The following MECR variants were observed in gnomAD, a reference collection of about 807,000 sequenced individuals.
MECR encodes mitochondrial trans-2-enoyl-CoA reductase.
MECR carries 37 observed loss-of-function variants against 49.1 expected under a neutral mutation model. The ratio of observed to expected loss-of-function variants is 0.75; its 90% CI spans 0.58 to 0.99. The LOEUF is 0.99. Ranked by LOEUF, MECR falls within the 50% of genes least tolerant of loss-of-function variation. MECR has a pLI of 0.00. For synonymous variants in MECR, 198 were observed against 191.1 expected (o/e 1.04, Z -0.30); for missense variants, 470 against 479.6 (o/e 0.98, Z 0.19).
downstream of MECR, among the ~76,000 whole-genome samples, chr1:29,189,810 A>C (rs1015284281): frequency 9.2e-5 from 14 of 152,110 alleles, no homozygotes. Flanking sequence ...TCTGTCTCAG[A>C]AATCTTTTGT....
chr1:29,216,527 A>C lies in MECR; in HGVS notation c.274+61T>G, dbSNP rs1048255754. 6 of 1,519,476 alleles carry C rather than the reference A, an allele frequency of 3.9e-6. No individual in the cohort carries two copies. The African/African-American group carries it at 4.1e-5, about 10-fold the overall frequency. The allele number at this position is 1,519,476 out of a possible 1,614,324, so 94.1% of individuals were successfully genotyped here. A position where few individuals can be genotyped will look rare whatever the true frequency, so the allele number is the denominator to read the frequency against. On this transcript the variant is annotated intron_variant, in intron 2 of 9. Coordinates refer to ENST00000263702, the MANE Select transcript of MECR (RefSeq NM_016011.5). The stretch of plus-strand genomic sequence containing the variant: ...TCACACCCACACCTGAGGAGGAATG[A>C]AAATGAGGTGGCAGCTGAACAAAAA...
At chr1:29,189,957 T>C (rs1277154141), downstream of MECR, among the ~76,000 whole-genome samples, 4 of 152,240 alleles carry the variant, frequency 2.6e-5, no homozygotes, top group Non-Finnish European at 5.9e-5. Flanking sequence ...AGGATTAGGT[T>C]CAGTGAAACC....
chr1:29,223,791 T>C (rs1205347673), intron 1 of MECR: 5 of 152,144 alleles, frequency 3.3e-5, no homozygotes, highest in Admixed American at 6.5e-5. Flanking sequence ...AACTAGGCAA[T>C]TGTGAAGGAA....
At chr1:29,210,080 A>G (rs1224147516) in intron 3 of MECR, among the ~76,000 whole-genome samples, 1 of 149,468 alleles carries the variant, frequency 6.7e-6, no homozygotes, top group Non-Finnish European at 1.5e-5. Flanking sequence ...GCACGATCTC[A>G]GCTCACTGCA....
the MECR span, chr1:29,170,209 C>T: frequency 6.6e-6 from 1 of 152,070 alleles, no homozygotes; most frequent in East Asian, 1.9e-4. Context: ...TGCCTGATGA[C>T]AAGAAGTTCG....
chr1:29,168,316 C>A, the MECR span, among the ~76,000 whole-genome samples: 9 of 152,006 alleles, frequency 5.9e-5, no homozygotes, highest in Admixed American at 3.3e-4. Context: ...CAGGCATGAG[C>A]CACCATGCCC....
Position 29,200,542 on chromosome 1 carries a change from G to A in MECR, c.804C>T (p.Ser268=), listed in dbSNP as rs1297166086. The A allele has an allele frequency of 6.2e-7, 1 of 1,613,794 alleles. No homozygotes were observed. The highest frequency in any genetic ancestry group is 8.5e-7 in the Non-Finnish European group (1 of 1,179,832). The part of the protein sequence containing the change: ...RLALNCVGGK[S]STELLRQLAR... ...CTAACTGCCGCAGCAGCTCTGTGGA[G>A]CTTTTCCCACCAACACAGTTGAGAG... Residue 268 remains serine, a synonymous_variant, in exon 7 of 10, where the codon AGC becomes AGT. Coordinates refer to ENST00000263702, the MANE Select transcript of MECR (RefSeq NM_016011.5).
Position 29,194,005 on chromosome 1 carries a change from C to T in MECR, c.*17G>A. On this transcript the variant is annotated 3_prime_UTR_variant, in exon 10 of 10. Coordinates refer to ENST00000263702, the MANE Select transcript of MECR (RefSeq NM_016011.5). Reference sequence around the variant, plus strand: ...ATCCGCCTCCCCTCCCATGTCACTCCAGCTCTTTTGGGATGATCACATGGT... The same window carrying T: ...ATCCGCCTCCCCTCCCATGTCACTCTAGCTCTTTTGGGATGATCACATGGT... 1 of 1,613,878 alleles carries T rather than the reference C, an allele frequency of 6.2e-7. No homozygotes were observed. Among genetic ancestry groups the T allele is most frequent in the Non-Finnish European group, 8.5e-7 (1 of 1,179,984 alleles).
chr1:29,223,730 G>A (rs1006289221), intron 1 of MECR, among the ~76,000 whole-genome samples: 1 of 152,232 alleles, frequency 6.6e-6, no homozygotes, highest in Non-Finnish European at 1.5e-5. Flanking sequence ...AATGCCTGGT[G>A]TGCTAGGTAC....
chr1:29,176,183 C>T, the MECR span, among the ~76,000 whole-genome samples: 3 of 151,960 alleles, frequency 2.0e-5, no homozygotes, highest in Admixed American at 6.6e-5. Flanking sequence ...ACCCAAAAGG[C>T]GGAAGTTGCA....
At position 29,216,599 on chromosome 1, in the gene MECR, T is replaced by C; in HGVS notation, c.263A>G (p.Asn88Ser). 6.2e-7 allele frequency: 1 copy of C among 1,614,152 alleles called. No individual in the cohort carries two copies. Among genetic ancestry groups the C allele is most frequent in the Non-Finnish European group, 8.5e-7 (1 of 1,180,008 alleles). ...LAAPINPSDI[N>S]MIQGNYGFLP... ...GAAACCAAGGTTACCTTGGATCATA[T>C]TTATGTCAGATGGATTGATAGGGGC... Residue 88 changes from asparagine to serine, a missense_variant, in exon 2 of 10, where the codon AAT becomes AGT. Coordinates refer to ENST00000263702, the MANE Select transcript of MECR (RefSeq NM_016011.5).
At chr1:29,171,002 T>C in the MECR span, 3 of 152,214 alleles carry the variant, frequency 2.0e-5, no homozygotes, top group Non-Finnish European at 2.9e-5. Context: ...AAGTAAAACA[T>C]TTCCTCAAAC....
At chr1:29,181,669 G>A in the MECR span, 1 of 1,595,036 alleles carries the variant, frequency 6.3e-7, no homozygotes, top group South Asian at 1.1e-5. Flanking sequence ...CCACCTCCAG[G>A]ATCTTCCCGT....
rs901863182 is a variant in MECR, at chr1:29,196,192, G to C, written c.891+6C>G. On this transcript the variant is annotated splice_donor_region_variant and intron_variant, in intron 8 of 9. Coordinates refer to ENST00000263702, the MANE Select transcript of MECR (RefSeq NM_016011.5). Reference sequence around the variant, plus strand: ...CCAGGCATGCCTCCCTCTGCACCCAGCTTACCACAGAGGCTACGACGGGCT... The same window carrying C: ...CCAGGCATGCCTCCCTCTGCACCCACCTTACCACAGAGGCTACGACGGGCT... 13 of 1,614,202 alleles carry C rather than the reference G, an allele frequency of 8.1e-6. No homozygotes were observed. The Middle Eastern group carries it at 6.6e-4, about 82-fold the overall frequency.
chr1:29,172,936 G>A, the MECR span: 1 of 152,038 alleles, frequency 6.6e-6, no homozygotes, highest in African/African-American at 2.4e-5. Flanking sequence ...ATTTTATGAA[G>A]CCATTAATAA....
the MECR span, among the ~76,000 whole-genome samples, chr1:29,175,138 T>C: frequency 6.7e-6 from 1 of 150,212 alleles, no homozygotes; most frequent in Non-Finnish European, 1.5e-5. Context: ...AAAATTATAA[T>C]AGGCCAGGTG....
chr1:29,193,442 C>T lies in MECR; in HGVS notation c.*580G>A, dbSNP rs1234726373. 1 of 173,890 alleles carries T rather than the reference C, an allele frequency of 5.8e-6. No homozygotes were observed. The highest frequency in any genetic ancestry group is 1.2e-5 in the Non-Finnish European group (1 of 82,178). 10.8% of individuals were successfully genotyped at this position (173,890 alleles called of 1,614,324 possible). On this transcript the variant is annotated 3_prime_UTR_variant, in exon 10 of 10. Coordinates refer to ENST00000263702, the MANE Select transcript of MECR (RefSeq NM_016011.5). ...AACCACTGGTATATTGTCTATGTCTCCAGTTAGAAGGGCAGTTCCATGAGA... is the reference window on the plus strand; with the variant it reads ...AACCACTGGTATATTGTCTATGTCTTCAGTTAGAAGGGCAGTTCCATGAGA...
the MECR span, chr1:29,181,823 C>G: frequency 3.9e-6 from 5 of 1,266,148 alleles, no homozygotes; most frequent in Admixed American, 1.5e-4. Context: ...AGCGAGAGCA[C>G]GGCGGCAGCG....
chr1:29,177,606 G>C, the MECR span, among the ~76,000 whole-genome samples: 1 of 151,878 alleles, frequency 6.6e-6, no homozygotes, highest in Admixed American at 6.6e-5. Context: ...TGAAGTTTAT[G>C]GGGCGGGTAG....
Sources: gnomAD v4.1 joint callset for allele counts (sites outside exome capture counted in the v4.1 genomes callset) on GRCh38, gnomAD v4.1.1 for gene constraint, MANE v1.5 for transcripts, NCBI Gene and HGNC (gene_info 2026-07-23, HGNC 2026-07-21) for gene names.